NAV2: variants seen among roughly 807,000 people sequenced by gnomAD.
The protein encoded by NAV2 is neuron navigator 2.
In NAV2, 54 loss-of-function variants were observed where a neutral mutation model predicts 223.2. That is an observed-to-expected ratio of 0.24 (90% confidence interval 0.19 to 0.30). The LOEUF is 0.30. NAV2 is among the 10% of genes least tolerant of loss of function. The pLI is 1.00. For missense variants in NAV2, 2,806 were observed against 3,147.5 expected (o/e 0.89, Z 2.60); for synonymous variants, 1,279 against 1,239.3 (o/e 1.03, Z -0.67).
intron 1 of NAV2, among the ~76,000 whole-genome samples, chr11:19,677,254 G>A (rs767968300): frequency 6.6e-6 from 1 of 152,248 alleles, no homozygotes; most frequent in Non-Finnish European, 1.5e-5. Context: ...GTGATTTCCA[G>A]GCAAGCCATT....
At chr11:19,512,311 T>C (rs891820204) in intron 1 of NAV2, among the ~76,000 whole-genome samples, 6 of 152,152 alleles carry the variant, frequency 3.9e-5, no homozygotes, top group African/African-American at 1.4e-4. Flanking sequence ...GTTTGCTTTC[T>C]TGGGAAGATT....
intron 1 of NAV2, among the ~76,000 whole-genome samples, chr11:19,669,677 C>T (rs1185559021): frequency 2.6e-5 from 4 of 152,208 alleles, no homozygotes; most frequent in African/African-American, 9.6e-5. Context: ...GCCTTTGAGC[C>T]AGAAGCACCT....
intron 3 of NAV2, among the ~76,000 whole-genome samples, chr11:19,847,611 A>G (rs936571420): frequency 6.6e-6 from 1 of 152,148 alleles, no homozygotes; most frequent in African/African-American, 2.4e-5. Flanking sequence ...TTCCTGTTCT[A>G]TGAAGTGGGG....
intron 1 of NAV2, among the ~76,000 whole-genome samples, chr11:19,692,793 C>G (rs755791535): frequency 2.0e-5 from 3 of 152,188 alleles, no homozygotes; most frequent in Non-Finnish European, 4.4e-5. Flanking sequence ...AACCCTTGCT[C>G]TTATGGAGCT....
intron 1 of NAV2, chr11:19,511,377 CAG>C (rs2043274185): frequency 6.6e-6 from 1 of 152,026 alleles, no homozygotes; most frequent in Non-Finnish European, 1.5e-5. Context: ...TTTATGGAGA[CAG>C]AGAGTAGATT....
At chr11:19,720,347 C>T (rs1439201147) in intron 1 of NAV2, among the ~76,000 whole-genome samples, 2 of 152,144 alleles carry the variant, frequency 1.3e-5, no homozygotes, top group African/African-American at 2.4e-5. Context: ...TTGCAGGAAC[C>T]CCCATTCGCC....
At chr11:19,880,510 A>T (rs2063133724) in intron 5 of NAV2, among the ~76,000 whole-genome samples, 1 of 152,216 alleles carries the variant, frequency 6.6e-6, no homozygotes, top group African/African-American at 2.4e-5. Flanking sequence ...TAGTGGAGGT[A>T]AAAGTTCTAT....
intron 1 of NAV2, among the ~76,000 whole-genome samples, chr11:19,656,763 G>A (rs992591952): frequency 6.6e-6 from 1 of 152,166 alleles, no homozygotes; most frequent in Non-Finnish European, 1.5e-5. Flanking sequence ...AATGCTCTAG[G>A]GGGAGAAAAT....
At chr11:19,400,868 T>A (rs1849655783) in intron 1 of NAV2, among the ~76,000 whole-genome samples, 1 of 152,212 alleles carries the variant, frequency 6.6e-6, no homozygotes, top group African/African-American at 2.4e-5. Context: ...TCAGATTTCA[T>A]CACAGAAGGG....
chr11:19,411,003 A>G (rs1254268744), intron 1 of NAV2, among the ~76,000 whole-genome samples: 1 of 152,178 alleles, frequency 6.6e-6, no homozygotes. Context: ...CCTCTGTTGC[A>G]TGGGAAAGGC....
chr11:20,030,765 A>G (rs1312539568), intron 11 of NAV2, among the ~76,000 whole-genome samples: 1 of 152,244 alleles, frequency 6.6e-6, no homozygotes, highest in Admixed American at 6.5e-5. Flanking sequence ...AAAGATTTCA[A>G]TTCTTTTTAC....
chr11:19,648,266 G>C (rs139375553), intron 1 of NAV2, among the ~76,000 whole-genome samples: 1 of 152,210 alleles, frequency 6.6e-6, no homozygotes, highest in Admixed American at 6.5e-5. Flanking sequence ...GTTTCTAGAT[G>C]GTGGAAACAC....
At chr11:19,461,041 CCGT>C (rs1187131499) in intron 1 of NAV2, among the ~76,000 whole-genome samples, 2 of 152,200 alleles carry the variant, frequency 1.3e-5, no homozygotes, top group Non-Finnish European at 2.9e-5. Flanking sequence ...GCAGCAGCTT[CCGT>C]CTACAGAGTT....
In NAV2 at chr11:19,735,888, C is replaced by T. The variant is rs553104470; in HGVS notation, c.267+21926C>T. Reference sequence around the variant, plus strand: ...AATGGAGGTTGGGAGGCTGACATTGCGGGGAGGAAGGAGCTAGAATGCTGG... The same window carrying T: ...AATGGAGGTTGGGAGGCTGACATTGTGGGGAGGAAGGAGCTAGAATGCTGG... On this transcript the variant is annotated intron_variant, in intron 1 of 37. Transcript: ENST00000349880. Among the ~76,000 whole-genome samples, 26 of 152,194 alleles carry T rather than the reference C, an allele frequency of 1.7e-4. 1 individual carries two copies. The highest frequency in any genetic ancestry group is 5.3e-4 in the African/African-American group (22 of 41,516).
intron 6 of NAV2, among the ~76,000 whole-genome samples, chr11:19,897,306 A>G (rs2042072123): frequency 1.3e-5 from 2 of 152,190 alleles, no homozygotes; most frequent in South Asian, 4.1e-4. Context: ...TGGGTTCAGC[A>G]CACCAACATG....
chr11:19,839,816 T>G (rs1330695959), intron 2 of NAV2, among the ~76,000 whole-genome samples: 1 of 152,246 alleles, frequency 6.6e-6, no homozygotes, highest in Non-Finnish European at 1.5e-5. Flanking sequence ...ACTGCATTAG[T>G]GGGGCTAAGA....
At chr11:20,114,372 A>G in intron 36 of NAV2, 2 of 586,282 alleles carry the variant, frequency 3.4e-6, no homozygotes, top group Non-Finnish European at 6.1e-6. Flanking sequence ...GCCTGACTCC[A>G]AAGCCTGTAT....
chr11:19,691,257 G>GAA (rs201821073), intron 1 of NAV2, among the ~76,000 whole-genome samples: 1 of 74,604 alleles, frequency 1.3e-5, no homozygotes. Flanking sequence ...TTAAAAAACA[G>GAA]AAAAAAAAAA....
chr11:20,000,254 C>T (rs2153483046), intron 11 of NAV2, among the ~76,000 whole-genome samples: 1 of 152,354 alleles, frequency 6.6e-6, no homozygotes, highest in African/African-American at 2.4e-5. Flanking sequence ...AGGTGCAAAC[C>T]TGTTAAAATC....
Sources: gnomAD v4.1 joint callset for allele counts (sites outside exome capture counted in the v4.1 genomes callset) on GRCh38, gnomAD v4.1.1 for gene constraint, MANE v1.5 for transcripts, NCBI Gene and HGNC (gene_info 2026-07-23, HGNC 2026-07-21) for gene names.